ADAMTSL1: variants seen among roughly 807,000 people sequenced by gnomAD.
ADAMTSL1 encodes ADAMTS like 1, also known as ADAMTS-like protein 1.
A neutral mutation model predicts 201.8 loss-of-function variants in ADAMTSL1; 126 were observed. The ratio of observed to expected loss-of-function variants is 0.62; its 90% CI spans 0.54 to 0.72. The LOEUF (loss-of-function observed/expected upper bound fraction) is 0.72. Among genes scored for constraint, ADAMTSL1 ranks in the 30% least tolerant of loss-of-function variants. ADAMTSL1 has a pLI of 0.00. For missense variants in ADAMTSL1, 2,679 were observed against 2,277.8 expected (o/e 1.18, Z -3.59); for synonymous variants, 1,121 against 903.4 (o/e 1.24, Z -4.32).
intron 2 of ADAMTSL1, among the ~76,000 whole-genome samples, chr9:18,211,728 G>T (rs1829879183): frequency 6.6e-6 from 1 of 152,112 alleles, no homozygotes; most frequent in Non-Finnish European, 1.5e-5. Flanking sequence ...TGAAGCTAAA[G>T]ATACCTTCCA....
At chr9:18,620,966 G>A (rs1826001483) in intron 4 of ADAMTSL1, among the ~76,000 whole-genome samples, 1 of 152,102 alleles carries the variant, frequency 6.6e-6, no homozygotes, top group Non-Finnish European at 1.5e-5. Flanking sequence ...ATCTAAACAT[G>A]TGTTTGCAAT....
intron 1 of ADAMTSL1, among the ~76,000 whole-genome samples, chr9:18,121,200 T>C (rs1355458358): frequency 6.6e-6 from 1 of 152,188 alleles, no homozygotes; most frequent in Non-Finnish European, 1.5e-5. Context: ...GGGACTTTCT[T>C]TTTCCCTCAC....
At chr9:18,501,384 A>C (rs1385703232) in intron 1 of ADAMTSL1, among the ~76,000 whole-genome samples, 1 of 151,584 alleles carries the variant, frequency 6.6e-6, no homozygotes, top group East Asian at 2.0e-4. Context: ...GCCGACAAGC[A>C]CCTGTAGTCC....
At chr9:18,004,198 C>A (rs1819724178) in intron 1 of ADAMTSL1, among the ~76,000 whole-genome samples, 1 of 151,664 alleles carries the variant, frequency 6.6e-6, no homozygotes, top group Non-Finnish European at 1.5e-5. Context: ...AATGATTTTG[C>A]AATATGGAAA....
chr9:18,057,213 T>G (rs912043612), intron 1 of ADAMTSL1, among the ~76,000 whole-genome samples: 2 of 152,172 alleles, frequency 1.3e-5, no homozygotes, highest in East Asian at 3.9e-4. Context: ...AAAGAATTAC[T>G]GTGCACTCAC....
intron 14 of ADAMTSL1, among the ~76,000 whole-genome samples, chr9:18,719,584 G>T (rs1253579011): frequency 6.6e-6 from 1 of 152,114 alleles, no homozygotes; most frequent in African/African-American, 2.4e-5. Flanking sequence ...GGCTGGTCTC[G>T]AACTCCTGAC....
chr9:17,973,803 A>T (rs1324249926), intron 1 of ADAMTSL1, among the ~76,000 whole-genome samples: 1 of 149,054 alleles, frequency 6.7e-6, no homozygotes, highest in African/African-American at 2.5e-5. Context: ...ATGAGCATGG[A>T]ATGTTCTTCC....
intron 2 of ADAMTSL1, among the ~76,000 whole-genome samples, chr9:18,446,275 C>T (rs1820188863): frequency 6.6e-6 from 1 of 152,160 alleles, no homozygotes; most frequent in Non-Finnish European, 1.5e-5. Context: ...CTCCCAAATT[C>T]TCTGTAGGAA....
At chr9:18,137,448 A>AT (rs1416118181) in intron 1 of ADAMTSL1, among the ~76,000 whole-genome samples, 1 of 152,188 alleles carries the variant, frequency 6.6e-6, no homozygotes, top group Non-Finnish European at 1.5e-5. Context: ...ATTTAAAAAA[A>AT]TTCTAACAGA....
chr9:18,195,043 G>A (rs1829120413), intron 2 of ADAMTSL1, among the ~76,000 whole-genome samples: 1 of 152,108 alleles, frequency 6.6e-6, no homozygotes, highest in Non-Finnish European at 1.5e-5. Context: ...CCTATAAGAT[G>A]AAAGGCTTAA....
At chr9:18,134,994 A>C (rs1826098122) in intron 1 of ADAMTSL1, among the ~76,000 whole-genome samples, 1 of 152,206 alleles carries the variant, frequency 6.6e-6, no homozygotes, top group Admixed American at 6.5e-5. Context: ...CTCTTCACTT[A>C]GAAAAACACG....
chr9:18,049,160 C>G (rs866744119), intron 1 of ADAMTSL1, among the ~76,000 whole-genome samples: 152 of 152,288 alleles, frequency 1.0e-3, no homozygotes, highest in African/African-American at 3.3e-3. Context: ...TCTTAAGATC[C>G]TCAACTTCAT....
intron 1 of ADAMTSL1, 89 bp from the exon 2 acceptor site, chr9:18,504,738 TAC>T: frequency 1.3e-6 from 2 of 1,571,898 alleles, no homozygotes; most frequent in Non-Finnish European, 1.7e-6. Flanking sequence ...AGCCACCATG[TAC>T]ACACACGTAC....
intron 1 of ADAMTSL1, among the ~76,000 whole-genome samples, chr9:18,099,326 AATATATATATATATATAT>A (rs71333027): frequency 5.2e-5 from 3 of 57,602 alleles, no homozygotes; most frequent in Non-Finnish European, 9.2e-5. Flanking sequence ...GCAAATGGAA[AATATATATATATATATAT>A]ATATATATAT....
chr9:18,639,426 G>A lies in ADAMTSL1; in HGVS notation c.834+15G>A. 1 of 1,605,314 alleles carries A rather than the reference G, an allele frequency of 6.2e-7. No individual in the cohort carries two copies. Among genetic ancestry groups the A allele is most frequent in the Admixed American group, 1.7e-5 (1 of 58,664 alleles). Reference sequence around the variant, plus strand: ...TCATTGTCAAGGTGAGCCCTATTTAGATACCTCCTTTTCAAGCCACATCCC... The same window carrying A: ...TCATTGTCAAGGTGAGCCCTATTTAAATACCTCCTTTTCAAGCCACATCCC... On this transcript the variant is annotated intron_variant, in intron 7 of 28. Transcript: ENST00000380548.
At chr9:18,684,422 T>G (rs1024595159) in intron 12 of ADAMTSL1, among the ~76,000 whole-genome samples, 1 of 152,232 alleles carries the variant, frequency 6.6e-6, no homozygotes, top group African/African-American at 2.4e-5. Flanking sequence ...CGATGATTCT[T>G]TATATGCATA....
chr9:18,540,826 A>G (rs1457934841), intron 3 of ADAMTSL1, among the ~76,000 whole-genome samples: 3 of 152,138 alleles, frequency 2.0e-5, no homozygotes, highest in Non-Finnish European at 4.4e-5. Context: ...TGAGAAAGAA[A>G]TTCTAATTGC....
At chr9:18,263,272 C>T (rs1831991522) in intron 2 of ADAMTSL1, among the ~76,000 whole-genome samples, 1 of 152,170 alleles carries the variant, frequency 6.6e-6, no homozygotes, top group Non-Finnish European at 1.5e-5. Context: ...AGTGCACATA[C>T]TCTTCAGTGG....
chr9:18,347,060 T>A (rs1050394017), intron 2 of ADAMTSL1, among the ~76,000 whole-genome samples: 5 of 152,174 alleles, frequency 3.3e-5, no homozygotes, highest in Admixed American at 2.0e-4. Context: ...GTTTTTTGAC[T>A]CAATTCCTCC....
Sources: gnomAD v4.1 joint callset for allele counts (sites outside exome capture counted in the v4.1 genomes callset) on GRCh38, gnomAD v4.1.1 for gene constraint, MANE v1.5 for transcripts, NCBI Gene and HGNC (gene_info 2026-07-23, HGNC 2026-07-21) for gene names.